The following SNX29 variants were observed in gnomAD, a reference collection of about 807,000 sequenced individuals.
SNX29 encodes sorting nexin-29.
SNX29 carries 78 observed loss-of-function variants against 102.1 expected under a neutral mutation model. That is an observed-to-expected ratio of 0.76 (90% CI 0.64 to 0.92). The LOEUF (loss-of-function observed/expected upper bound fraction) is 0.92. Ranked by LOEUF, SNX29 falls within the 40% of genes least tolerant of loss-of-function variation. The probability of loss-of-function intolerance (pLI) is 0.00; values close to 1 mark genes in which losing one functional copy is unlikely to be tolerated. For synonymous variants in SNX29, 580 were observed against 414.5 expected, an observed-to-expected ratio of 1.40 and a Z score of -4.85; for missense variants, 1,280 against 1,061.7, an observed-to-expected ratio of 1.21 and a Z score of -2.86.
chr16:12,504,675 G>C (rs1238856636), intron 19 of SNX29, among the ~76,000 whole-genome samples: 1 of 152,150 alleles, frequency 6.6e-6, no homozygotes, highest in Non-Finnish European at 1.5e-5. Context: ...TACTTTTATT[G>C]TAATATATCG....
At chr16:12,089,126 A>G (rs200594317) in intron 11 of SNX29, among the ~76,000 whole-genome samples, 1 of 89,312 alleles carries the variant, frequency 1.1e-5, no homozygotes, top group Non-Finnish European at 2.3e-5. Context: ...GAGAGAGAGA[A>G]AAGAGAGAGA....
intron 18 of SNX29, among the ~76,000 whole-genome samples, chr16:12,432,135 G>C (rs1048580279): frequency 6.6e-6 from 1 of 152,236 alleles, no homozygotes; most frequent in Non-Finnish European, 1.5e-5. Context: ...GCTTTATCTT[G>C]GGTCATTGGG....
intron 20 of SNX29, among the ~76,000 whole-genome samples, chr16:12,538,610 G>A (rs1432808050): frequency 3.3e-5 from 5 of 152,142 alleles, no homozygotes; most frequent in African/African-American, 1.2e-4. Context: ...GTGGATGCAG[G>A]AGGGCCTTGA....
rs372571115 is a variant in SNX29 at position 12,002,048 on chromosome 16, G to A, written c.70-943G>A. 1.1e-3 allele frequency among the ~76,000 whole-genome samples: 170 copies of A among 151,186 alleles called. 1 individual carries two copies. Among genetic ancestry groups the A allele is most frequent in the African/African-American group, 3.9e-3 (162 of 41,162 alleles). ...TTTTTTTAAAGAAAATTAGAATAGTGGATAATGGTGATGATTGCTTAACAT... is the reference window on the plus strand; with the variant it reads ...TTTTTTTAAAGAAAATTAGAATAGTAGATAATGGTGATGATTGCTTAACAT... On this transcript the variant is annotated intron_variant, in intron 2 of 20. Coordinates refer to ENST00000566228, the MANE Select transcript of SNX29 (RefSeq NM_032167.5).
chr16:12,215,085 A>G (rs141437619), intron 14 of SNX29, among the ~76,000 whole-genome samples: 30 of 152,288 alleles, frequency 2.0e-4, no homozygotes, highest in Non-Finnish European at 2.6e-4. Flanking sequence ...ACCCAGTAAT[A>G]ATAGCCAACA....
chr16:12,358,765 A>G (rs9929299), intron 16 of SNX29, among the ~76,000 whole-genome samples: 8,602 of 152,160 alleles, frequency 0.057, 400 homozygotes, highest in African/African-American at 0.12. Context: ...TTTTTATCCA[A>G]TCACGTTGTT....
At chr16:12,292,384 C>G (rs969490162) in intron 15 of SNX29, among the ~76,000 whole-genome samples, 3 of 152,162 alleles carry the variant, frequency 2.0e-5, no homozygotes, top group Non-Finnish European at 4.4e-5. Flanking sequence ...GAAAGTTCTC[C>G]CTTTTCCTCG....
intron 20 of SNX29, chr16:12,546,446 TCTTC>T (rs991673040): frequency 2.0e-5 from 3 of 152,016 alleles, no homozygotes; most frequent in African/African-American, 2.4e-5. Context: ...GCTAGGAAAC[TCTTC>T]CTTATGAAAC....
intron 18 of SNX29, among the ~76,000 whole-genome samples, chr16:12,456,641 T>C (rs2086552610): frequency 6.6e-6 from 1 of 152,054 alleles, no homozygotes; most frequent in Non-Finnish European, 1.5e-5. Context: ...GGTGTGTGCA[T>C]GTGTGCCTGA....
intron 20 of SNX29, among the ~76,000 whole-genome samples, chr16:12,535,711 C>T (rs924642527): frequency 6.6e-6 from 1 of 152,084 alleles, no homozygotes; most frequent in Admixed American, 6.5e-5. Context: ...TCCTCTGTGC[C>T]CCTTGTAAAC....
At chr16:12,193,504 A>C (rs1357296206) in intron 13 of SNX29, among the ~76,000 whole-genome samples, 2 of 151,878 alleles carry the variant, frequency 1.3e-5, no homozygotes, top group Non-Finnish European at 2.9e-5. Context: ...TCACATAGCA[A>C]ATCCAGTTAA....
intron 14 of SNX29, among the ~76,000 whole-genome samples, chr16:12,266,767 A>G (rs1163441982): frequency 6.7e-6 from 1 of 149,024 alleles, no homozygotes; most frequent in Non-Finnish European, 1.5e-5. Flanking sequence ...AAGTATGTAA[A>G]TTTTTTTTTT....
chr16:12,054,901 T>G (rs913668336), intron 8 of SNX29, among the ~76,000 whole-genome samples: 1 of 152,252 alleles, frequency 6.6e-6, no homozygotes, highest in African/African-American at 2.4e-5. Context: ...GGTTTTTGTT[T>G]TTGCTTTTTG....
intron 9 of SNX29, among the ~76,000 whole-genome samples, chr16:12,068,207 T>C (rs2151296575): frequency 6.6e-6 from 1 of 152,232 alleles, no homozygotes; most frequent in South Asian, 2.1e-4. Context: ...CCAGGCACAG[T>C]TGCTCACATC....
chr16:12,272,936 C>T (rs140004212), intron 14 of SNX29, among the ~76,000 whole-genome samples: 6 of 152,286 alleles, frequency 3.9e-5, no homozygotes, highest in African/African-American at 7.2e-5. Context: ...ACACGCAACA[C>T]GCAGCTCCCC....
intron 13 of SNX29, among the ~76,000 whole-genome samples, chr16:12,155,027 A>G (rs1034548661): frequency 9.9e-5 from 15 of 152,170 alleles, no homozygotes; most frequent in African/African-American, 3.4e-4. Flanking sequence ...TGTCACGGGA[A>G]CAAGGCTTGG....
chr16:12,560,481 C>T (rs79841551), intron 20 of SNX29, among the ~76,000 whole-genome samples: 1,712 of 152,258 alleles, frequency 0.011, 31 homozygotes, highest in African/African-American at 0.038. Context: ...GTCACACTTA[C>T]CTCCTGCTTT....
At chr16:12,518,587 C>T (rs1445062313) in intron 19 of SNX29, among the ~76,000 whole-genome samples, 7 of 152,190 alleles carry the variant, frequency 4.6e-5, no homozygotes, top group Non-Finnish European at 1.0e-4. Context: ...GATATTCCTC[C>T]CTGCGAGGTT....
intron 13 of SNX29, among the ~76,000 whole-genome samples, chr16:12,132,308 C>T (rs1426312220): frequency 6.6e-6 from 1 of 152,156 alleles, no homozygotes. Flanking sequence ...CTATGTTGGC[C>T]AGGCTGGTCT....
Sources: gnomAD v4.1 joint callset for allele counts (sites outside exome capture counted in the v4.1 genomes callset) on GRCh38, gnomAD v4.1.1 for gene constraint, MANE v1.5 for transcripts, NCBI Gene and HGNC (gene_info 2026-07-23, HGNC 2026-07-21) for gene names.